The following PPARG variants were observed in gnomAD, a reference collection of about 807,000 sequenced individuals.
PPARG encodes the protein peroxisome proliferator-activated receptor gamma.
Under a neutral mutation model 39.2 loss-of-function variants are expected in PPARG, and 17 were observed. That is an observed-to-expected ratio of 0.43 (90% CI 0.30 to 0.65). The LOEUF (loss-of-function observed/expected upper bound fraction) is 0.65, where lower values mean the gene tolerates loss of function less well. Among genes scored for constraint, PPARG ranks in the 30% least tolerant of loss-of-function variants. PPARG has a pLI of 0.13. For missense variants in PPARG, 406 were observed against 585.9 expected, an observed-to-expected ratio of 0.69 and a Z score of 3.17; for synonymous variants, 223 against 215.7, an observed-to-expected ratio of 1.03 and a Z score of -0.30.
rs576190504 is a variant in PPARG, at chr3:12,366,234, C to T, written c.-8-13470C>T. 3.3e-5 allele frequency among the ~76,000 whole-genome samples: 5 copies of T among 151,956 alleles called. No individual in the cohort carries two copies. In the South Asian group the frequency reaches 6.2e-4, roughly 19 times the overall value. ...GTAATGTGTTTTTAATATTAAATTTCGCTTGTTCATTGCTGGTATATAGGA... is the reference window on the plus strand; with the variant it reads ...GTAATGTGTTTTTAATATTAAATTTTGCTTGTTCATTGCTGGTATATAGGA... On this transcript the variant is annotated intron_variant, in intron 2 of 7. Coordinates refer to ENST00000651735, the MANE Select transcript of PPARG (RefSeq NM_138711.6).
At chr3:12,411,278 AT>A (rs201882413) in intron 6 of PPARG, among the ~76,000 whole-genome samples, 1 of 151,944 alleles carries the variant, frequency 6.6e-6, no homozygotes, top group Non-Finnish European at 1.5e-5. Context: ...CTGGCAATTG[AT>A]TTTTTTAAGA....
chr3:12,402,126 A>C (rs1430290673), intron 5 of PPARG, among the ~76,000 whole-genome samples: 1 of 152,200 alleles, frequency 6.6e-6, no homozygotes, highest in African/African-American at 2.4e-5. Context: ...CTTACCTGTA[A>C]AAACTGAATC....
chr3:12,296,842 T>C lies in PPARG; in HGVS notation c.-83+7708T>C, dbSNP rs140920873. ...AGGACTGGTTCATGTTAAACAGATT[T>C]ACAAGATATGGATTTGTAAACCTCA... On this transcript the variant is annotated intron_variant, in intron 1 of 7. Coordinates refer to ENST00000651735, the MANE Select transcript of PPARG (RefSeq NM_138711.6). Among the ~76,000 whole-genome samples, 12 of 152,356 alleles carry C rather than the reference T, an allele frequency of 7.9e-5. No individual in the cohort carries two copies. In the East Asian group the frequency reaches 1.7e-3, roughly 22 times the overall value.
At chr3:12,352,149 G>A (rs113925725) in intron 2 of PPARG, among the ~76,000 whole-genome samples, 81 of 152,228 alleles carry the variant, frequency 5.3e-4, no homozygotes, top group African/African-American at 1.9e-3. Flanking sequence ...TCTAGGTATT[G>A]TGTGTGCACT....
chr3:12,408,464 G>A (rs1822825), intron 6 of PPARG, among the ~76,000 whole-genome samples: 90,969 of 151,772 alleles, frequency 0.6, 28,674 homozygotes, highest in African/African-American at 0.8. Context: ...CAGAAAATAA[G>A]CCATTCATAT....
chr3:12,415,843 A>G (rs1291488050), intron 6 of PPARG, among the ~76,000 whole-genome samples: 1 of 152,216 alleles, frequency 6.6e-6, no homozygotes, highest in Non-Finnish European at 1.5e-5. Flanking sequence ...TTATGTGCAC[A>G]TAGTTTCATT....
At chr3:12,330,489 G>A (rs1276193783) in intron 2 of PPARG, among the ~76,000 whole-genome samples, 6 of 151,992 alleles carry the variant, frequency 3.9e-5, no homozygotes, top group Admixed American at 1.3e-4. Flanking sequence ...TGGGTTGTTT[G>A]CCTTTTGCCT....
At chr3:12,392,864 AT>A in intron 5 of PPARG, 112 bp downstream of exon 5, 1 of 1,279,028 alleles carries the variant, frequency 7.8e-7, no homozygotes, top group Non-Finnish European at 1.1e-6. Context: ...AAATGCCAGA[AT>A]TTAGAATATT....
At chr3:12,379,617 A>C in intron 2 of PPARG, 87 bp from the exon 3 acceptor site, 7 of 1,274,166 alleles carry the variant, frequency 5.5e-6, no homozygotes, top group Non-Finnish European at 7.9e-6. Context: ...TTTGCCAAAG[A>C]CTCTTTTCAT....
rs1269330162 is a variant in PPARG at position 12,307,123 on chromosome 3, C to T, written c.-82-5257C>T. Among the ~76,000 whole-genome samples the T allele has an allele frequency of 6.9e-5, 10 of 145,840 alleles. No homozygotes were observed. In the East Asian group the frequency reaches 1.4e-3, roughly 21 times the overall value. ...AAAAAAAAAAAAAAAAAAAATCAAC[C>T]GCTGTTAGGAAATTCTTTTTTTTTT... On this transcript the variant is annotated intron_variant, in intron 1 of 7. Coordinates refer to ENST00000651735, the MANE Select transcript of PPARG (RefSeq NM_138711.6).
intron 6 of PPARG, among the ~76,000 whole-genome samples, chr3:12,409,075 C>T (rs1285314544): frequency 3.9e-5 from 6 of 152,270 alleles, no homozygotes; most frequent in South Asian, 4.1e-4. Context: ...AGAGGCCAAG[C>T]GTTTGTCATT....
At chr3:12,387,051 A>G (rs1286895933) in intron 4 of PPARG, among the ~76,000 whole-genome samples, 1 of 152,162 alleles carries the variant, frequency 6.6e-6, no homozygotes, top group Non-Finnish European at 1.5e-5. Flanking sequence ...ATATGGACTC[A>G]TCCTTTTTTA....
At chr3:12,370,414 T>C (rs2049168891) in intron 2 of PPARG, among the ~76,000 whole-genome samples, 1 of 152,190 alleles carries the variant, frequency 6.6e-6, no homozygotes, top group Admixed American at 6.5e-5. Context: ...TGTTACTGTT[T>C]TATAAATCCT....
chr3:12,379,667 G>T (rs1322460832), intron 2 of PPARG, 37 bp from the exon 3 acceptor site: 1 of 1,558,138 alleles, frequency 6.4e-7, no homozygotes, highest in Non-Finnish European at 8.9e-7. Context: ...GTGTTCTCTA[G>T]GACTTAACTT....
At chr3:12,391,818 T>G (rs2125212012) in intron 4 of PPARG, among the ~76,000 whole-genome samples, 1 of 152,316 alleles carries the variant, frequency 6.6e-6, no homozygotes, top group Non-Finnish European at 1.5e-5. Context: ...AATTAGCAAT[T>G]AAGTTTTATG....
chr3:12,318,180 C>T (rs1341150582), intron 2 of PPARG, among the ~76,000 whole-genome samples: 1 of 152,162 alleles, frequency 6.6e-6, no homozygotes, highest in Non-Finnish European at 1.5e-5. Flanking sequence ...TGCTATGTTG[C>T]TCAGACTGGT....
chr3:12,355,600 G>A (rs1042940091), intron 2 of PPARG, among the ~76,000 whole-genome samples: 3 of 151,896 alleles, frequency 2.0e-5, no homozygotes, highest in East Asian at 1.9e-4. Flanking sequence ...GGCAGATTTT[G>A]TAGATTTCTA....
chr3:12,345,952 A>T (rs2048313208), intron 2 of PPARG, among the ~76,000 whole-genome samples: 1 of 152,250 alleles, frequency 6.6e-6, no homozygotes, highest in African/African-American at 2.4e-5. Context: ...CACAACATGA[A>T]AATGTGTCAG....
At chr3:12,354,479 C>T (rs546012095) in intron 2 of PPARG, among the ~76,000 whole-genome samples, 1 of 152,046 alleles carries the variant, frequency 6.6e-6, no homozygotes, top group African/African-American at 2.4e-5. Context: ...GGTACAGTGG[C>T]TCACATCTGT....
Sources: gnomAD v4.1 joint callset for allele counts (sites outside exome capture counted in the v4.1 genomes callset) on GRCh38, gnomAD v4.1.1 for gene constraint, MANE v1.5 for transcripts, NCBI Gene and HGNC (gene_info 2026-07-23, HGNC 2026-07-21) for gene names.